Variants in SYNE1 observed in about 807,000 individuals in gnomAD.
The protein encoded by SYNE1 is spectrin repeat containing nuclear envelope protein 1, also known as nesprin-1.
In SYNE1, 616 loss-of-function variants were observed where a neutral mutation model predicts 1,111.0. The ratio of observed to expected loss-of-function variants is 0.55; its 90% CI spans 0.52 to 0.59. SYNE1 has a LOEUF of 0.59. Among genes scored for constraint, SYNE1 ranks in the 20% least tolerant of loss-of-function variants. SYNE1 has a pLI of 0.00. For missense variants in SYNE1, 10,006 were observed against 10,417.0 expected, an observed-to-expected ratio of 0.96 and a Z score of 1.72; for synonymous variants, 3,855 against 3,825.8, an observed-to-expected ratio of 1.01 and a Z score of -0.28.
chr6:152,184,149 G>C (rs1015798966), intron 128 of SYNE1, among the ~76,000 whole-genome samples: 1 of 152,160 alleles, frequency 6.6e-6, no homozygotes, highest in Non-Finnish European at 1.5e-5. Context: ...GAAATTGACT[G>C]ATATGGCCAG....
At chr6:152,597,885 A>T (rs1179479173) in intron 3 of SYNE1, among the ~76,000 whole-genome samples, 10 of 152,218 alleles carry the variant, frequency 6.6e-5, no homozygotes, top group African/African-American at 2.4e-4. Flanking sequence ...TTATATCATG[A>T]TGATTTTTAT....
At position 152,310,449 on chromosome 6, in the gene SYNE1, T is replaced by A; in HGVS notation, c.16966A>T (p.Thr5656Ser). The A allele has an allele frequency of 6.2e-7, 1 of 1,614,184 alleles. No homozygotes were observed. Among genetic ancestry groups the A allele is most frequent in the South Asian group, 1.1e-5 (1 of 91,084 alleles). Residue 5656 changes from threonine to serine, a missense_variant, in exon 89 of 146, where the codon ACT (threonine) becomes TCT (serine). Transcript: ENST00000367255. ...CTGAGACGTCCAACTTCTGGAGAAG[T>A]CAGTGTTGCCTGGGCTTGCTCCAAG... is the stretch of plus-strand genomic sequence containing the variant. ...AALEQAQATL[T>S]SPEVGRLSLK...
At chr6:152,122,765 G>A in intron 145 of SYNE1, 89 bp from the exon 146 acceptor site, 1 of 1,595,624 alleles carries the variant, frequency 6.3e-7, no homozygotes, top group Non-Finnish European at 8.5e-7. Context: ...GGAAGCTAAA[G>A]GGCCATGCCA....
chr6:152,627,676 G>C (rs2099688570), intron 3 of SYNE1, among the ~76,000 whole-genome samples: 1 of 152,002 alleles, frequency 6.6e-6, no homozygotes, highest in African/African-American at 2.4e-5. Context: ...CAAAAGCAGA[G>C]AAGAGAACCA....
intron 3 of SYNE1, among the ~76,000 whole-genome samples, chr6:152,556,345 T>C (rs1013552325): frequency 2.6e-5 from 4 of 152,122 alleles, no homozygotes; most frequent in Non-Finnish European, 4.4e-5. Flanking sequence ...TGAGGGAGAA[T>C]AGTGAAGTGA....
chr6:152,293,835 T>G, intron 94 of SYNE1, 86 bp from the exon 95 acceptor site: 1 of 1,610,518 alleles, frequency 6.2e-7, no homozygotes, highest in Non-Finnish European at 8.5e-7. Flanking sequence ...GCTTTACCTC[T>G]GTGGCCCAAC....
At chr6:152,285,125 T>C (rs2094255974) in intron 95 of SYNE1, among the ~76,000 whole-genome samples, 1 of 152,132 alleles carries the variant, frequency 6.6e-6, no homozygotes, top group Non-Finnish European at 1.5e-5. Context: ...GTGTTAAGTC[T>C]AATCCTGCTT....
At position 152,491,621 on chromosome 6, in the gene SYNE1, C is replaced by T. The variant is rs142686740; in HGVS notation, c.940-3118G>A. Among the ~76,000 whole-genome samples, 972 of 152,252 alleles carry T rather than the reference C, an allele frequency of 6.4e-3. 8 individuals are homozygous for T. The highest frequency in any genetic ancestry group is 0.021 in the African/African-American group (871 of 41,542). On this transcript the variant is annotated intron_variant, in intron 11 of 145. Transcript: ENST00000367255. Reference sequence around the variant, plus strand: ...CCAGAAAACAGCACTTTTGATTTCTCCATCTTACAAGACCTGGATGATTTT... The same window carrying T: ...CCAGAAAACAGCACTTTTGATTTCTTCATCTTACAAGACCTGGATGATTTT...
rs2141152 is a variant in SYNE1, at chr6:152,526,200, G to A, written c.130-25C>T. The stretch of plus-strand genomic sequence containing the variant: ...GCTGTAAAAGCAAAGAGGAATAAGT[G>A]CAGAAAATATCTCTTCCCTCTCTGT... On this transcript the variant is annotated intron_variant, in intron 4 of 145. Transcript: ENST00000367255. 0.32 allele frequency: 507,090 copies of A among 1,600,598 alleles called. 84,116 individuals carry two copies. Among genetic ancestry groups the A allele is most frequent in the East Asian group, 0.46 (20,664 of 44,752 alleles).
chr6:152,173,432 C>A (rs2065683062), intron 130 of SYNE1, among the ~76,000 whole-genome samples: 1 of 152,220 alleles, frequency 6.6e-6, no homozygotes, highest in Non-Finnish European at 1.5e-5. Context: ...AAGGCATACA[C>A]TGGGTTATAT....
chr6:152,498,782 G>T lies in SYNE1; in HGVS notation c.899C>A (p.Pro300Gln). The T allele has an allele frequency of 1.3e-6, 2 of 1,538,062 alleles. No individual in the cohort carries two copies. The highest frequency in any genetic ancestry group is 8.9e-7 in the Non-Finnish European group (1 of 1,127,278). The change falls in exon 11 of 146, where the codon CCA (proline) becomes CAA (glutamine). Residue 300 changes from proline to glutamine, a missense_variant. Transcript: ENST00000367255. ...AGAATTTGCAAAAGATGGGAAACCT[G>T]GAAGTATTTCCTAACAATATGAAAA... ...TDGQEDDEILPGFPSFANSVQ... is the reference protein window; with the variant it reads ...TDGQEDDEILQGFPSFANSVQ...
chr6:152,160,028 G>C (rs948093833), intron 131 of SYNE1, among the ~76,000 whole-genome samples: 1 of 151,160 alleles, frequency 6.6e-6, no homozygotes, highest in Admixed American at 6.6e-5. Flanking sequence ...TTTTTTTTTA[G>C]ACAGAGTCTC....
intron 84 of SYNE1, among the ~76,000 whole-genome samples, chr6:152,319,263 T>C (rs376247058): frequency 6.6e-6 from 1 of 152,208 alleles, no homozygotes; most frequent in Non-Finnish European, 1.5e-5. Flanking sequence ...AATTCACTTA[T>C]TAAATATTTA....
chr6:152,560,892 T>G (rs2099393124), intron 3 of SYNE1, among the ~76,000 whole-genome samples: 1 of 152,074 alleles, frequency 6.6e-6, no homozygotes, highest in African/African-American at 2.4e-5. Flanking sequence ...ACTCAAAAAA[T>G]TAGGTACAGG....
intron 127 of SYNE1, 88 bp from the exon 128 acceptor site, chr6:152,189,495 C>A: frequency 7.8e-7 from 1 of 1,283,440 alleles, no homozygotes; most frequent in Non-Finnish European, 1.1e-6. Flanking sequence ...GATAGAATTT[C>A]CTTTGTATAG....
intron 53 of SYNE1, among the ~76,000 whole-genome samples, chr6:152,388,113 T>A (rs2097550846): frequency 6.6e-6 from 1 of 152,210 alleles, no homozygotes; most frequent in South Asian, 2.1e-4. Context: ...GAAATTAAAA[T>A]CCTGTGGTAA....
chr6:152,281,735 T>C, intron 97 of SYNE1, 72 bp downstream of exon 97: 2 of 1,536,184 alleles, frequency 1.3e-6, no homozygotes, highest in Middle Eastern at 1.7e-4. Flanking sequence ...AGCCTTTTTA[T>C]AGTATGTTTT....
At chr6:152,129,112 A>T (rs1585568088) in intron 145 of SYNE1, 1 of 152,286 alleles carries the variant, frequency 6.6e-6, no homozygotes, top group Non-Finnish European at 1.5e-5. Flanking sequence ...CCCAGCTGCA[A>T]AGCCCTGTTA....
chr6:152,161,940 T>C (rs1299120676), intron 131 of SYNE1, among the ~76,000 whole-genome samples: 1 of 152,188 alleles, frequency 6.6e-6, no homozygotes, highest in Non-Finnish European at 1.5e-5. Context: ...AGCCCTAGCA[T>C]TTGGTATTGA....
Sources: allele counts gnomAD v4.1 joint callset (sites outside exome capture counted in the v4.1 genomes callset), GRCh38; gene constraint gnomAD v4.1.1; transcripts MANE v1.5; gene names NCBI Gene and HGNC (gene_info 2026-07-23, HGNC 2026-07-21).